BAALC: variants seen among roughly 807,000 people sequenced by gnomAD.
BAALC encodes the protein brain and acute leukemia cytoplasmic protein.
In BAALC, 9 loss-of-function variants were observed where a neutral mutation model predicts 15.5. The observed-to-expected ratio is 0.58, with a 90% CI of 0.35 to 1.02. The LOEUF (loss-of-function observed/expected upper bound fraction) is 1.02, where lower values mean the gene tolerates loss of function less well. Among genes scored for constraint, BAALC ranks in the 50% least tolerant of loss-of-function variants. The pLI is 0.02. For synonymous variants in BAALC, 80 were observed against 74.6 expected (o/e 1.07, Z -0.37); for missense variants, 201 against 192.4 (o/e 1.04, Z -0.27).
intron 1 of BAALC, among the ~76,000 whole-genome samples, chr8:103,149,974 T>C (rs1389080108): frequency 6.6e-6 from 1 of 152,172 alleles, no homozygotes; most frequent in Non-Finnish European, 1.5e-5. Flanking sequence ...TCTGTTTTCA[T>C]GCTGCCGACG....
intron 1 of BAALC, among the ~76,000 whole-genome samples, chr8:103,193,863 T>C (rs1812030244): frequency 6.6e-6 from 1 of 152,198 alleles, no homozygotes; most frequent in Admixed American, 6.5e-5. Flanking sequence ...CATTCTTCCC[T>C]GGTACACAGT....
At chr8:103,153,514 T>C (rs1205626039) in intron 1 of BAALC, among the ~76,000 whole-genome samples, 2 of 152,242 alleles carry the variant, frequency 1.3e-5, no homozygotes, top group Non-Finnish European at 2.9e-5. Flanking sequence ...TAAACTTTAA[T>C]CTTTTAGAAT....
At chr8:103,169,011 A>T (rs1811415436) in intron 1 of BAALC, among the ~76,000 whole-genome samples, 1 of 151,924 alleles carries the variant, frequency 6.6e-6, no homozygotes, top group Admixed American at 6.6e-5. Context: ...TTAGTATGAG[A>T]TTTGTCCGTT....
intron 1 of BAALC, among the ~76,000 whole-genome samples, chr8:103,210,115 A>G (rs1435152020): frequency 1.3e-5 from 2 of 152,178 alleles, no homozygotes; most frequent in East Asian, 3.8e-4. Context: ...TGTGGTGTTC[A>G]TACACATGCA....
At chr8:103,141,082 C>CCTCG (rs1419393814) in intron 1 of BAALC, 25 bp downstream of exon 1, 31 of 1,413,488 alleles carry the variant, frequency 2.2e-5, no homozygotes, top group African/African-American at 3.0e-5. Flanking sequence ...CCCTGCAGAC[C>CCTCG]CTCGCCCGCC....
At chr8:103,186,499 G>A (rs1811841901) in intron 1 of BAALC, among the ~76,000 whole-genome samples, 1 of 152,168 alleles carries the variant, frequency 6.6e-6, no homozygotes, top group African/African-American at 2.4e-5. Context: ...AATGGATCTG[G>A]TTACTTTTGA....
chr8:103,213,771 C>T (rs1392575322), intron 2 of BAALC, among the ~76,000 whole-genome samples: 1 of 152,102 alleles, frequency 6.6e-6, no homozygotes, highest in African/African-American at 2.4e-5. Flanking sequence ...ACTTCCTTAT[C>T]TTCCCTATGC....
intron 1 of BAALC, among the ~76,000 whole-genome samples, chr8:103,207,528 A>G (rs985598324): frequency 1.3e-5 from 2 of 152,222 alleles, no homozygotes; most frequent in Non-Finnish European, 2.9e-5. Flanking sequence ...CTCCAGGCTG[A>G]TAAGGGTCTG....
chr8:103,190,014 A>C (rs1299605637), intron 1 of BAALC, among the ~76,000 whole-genome samples: 1 of 152,022 alleles, frequency 6.6e-6, no homozygotes. Flanking sequence ...TAGAGAACAA[A>C]GGGTGATTTG....
At chr8:103,214,801 A>G (rs1191245246) in intron 2 of BAALC, 1 of 152,300 alleles carries the variant, frequency 6.6e-6, no homozygotes, top group East Asian at 1.9e-4. Flanking sequence ...ACCATAATCC[A>G]CTTAAATGAA....
intron 1 of BAALC, among the ~76,000 whole-genome samples, chr8:103,212,610 A>T (rs1812471428): frequency 6.6e-6 from 1 of 152,230 alleles, no homozygotes; most frequent in Admixed American, 6.5e-5. Context: ...CAAATATCCA[A>T]GCAAAGGGGA....
chr8:103,140,915 C>A lies in BAALC; in HGVS notation c.18C>A (p.Ser6Arg), dbSNP rs762540525. MGCGG[S>R]RADAIEPRYY... Reference sequence around the variant, plus strand: ...GCAGGAGGATGGGCTGCGGCGGGAGCCGGGCGGATGCCATCGAGCCCCGCT... The same window carrying A: ...GCAGGAGGATGGGCTGCGGCGGGAGACGGGCGGATGCCATCGAGCCCCGCT... The change falls in exon 1 of 3, where the codon AGC becomes AGA. Residue 6 changes from serine to arginine, a missense_variant. Coordinates refer to ENST00000309982, the MANE Select transcript of BAALC (RefSeq NM_024812.3). This position sits in a 1 kb window ranked among gnomAD's most constrained non-coding sequence, Gnocchi z 4.2. 3 of 1,518,170 alleles carry A rather than the reference C, an allele frequency of 2.0e-6. No individual in the cohort carries two copies. Among genetic ancestry groups the A allele is most frequent in the Non-Finnish European group, 2.6e-6 (3 of 1,133,692 alleles). 94.0% of individuals were successfully genotyped at this position (1,518,170 alleles called of 1,614,324 possible).
intron 1 of BAALC, chr8:103,198,154 C>A (rs749219048): frequency 2.9e-6 from 2 of 701,288 alleles, no homozygotes; most frequent in Non-Finnish European, 5.2e-6. Context: ...GGCATCCCAA[C>A]CATTGATTTA....
chr8:103,223,496 G>A (rs1461813335), intron 2 of BAALC, among the ~76,000 whole-genome samples: 1 of 152,194 alleles, frequency 6.6e-6, no homozygotes, highest in Non-Finnish European at 1.5e-5. Context: ...ATGTCTTGCT[G>A]CAGCTAACTG....
intron 2 of BAALC, among the ~76,000 whole-genome samples, chr8:103,216,963 C>CCA (rs1471584824): frequency 6.6e-6 from 1 of 152,164 alleles, no homozygotes; most frequent in East Asian, 1.9e-4. Context: ...CACACACACC[C>CCA]CACACACTTT....
chr8:103,193,615 G>C (rs1345654713), intron 1 of BAALC, among the ~76,000 whole-genome samples: 3 of 152,204 alleles, frequency 2.0e-5, no homozygotes, highest in African/African-American at 4.8e-5. Context: ...ACACAGATCT[G>C]GGTTTTGAGT....
intron 2 of BAALC, chr8:103,219,426 T>A (rs1418024732): frequency 3.3e-5 from 5 of 152,386 alleles, no homozygotes; most frequent in African/African-American, 1.2e-4. Context: ...TATCCTGTGA[T>A]GACTGTTCTG....
intron 1 of BAALC, among the ~76,000 whole-genome samples, chr8:103,147,247 AG>A (rs910907156): frequency 2.6e-5 from 4 of 152,234 alleles, no homozygotes; most frequent in African/African-American, 9.7e-5. Context: ...GATGAATTTA[AG>A]GTGACTCCAC....
Sources: gnomAD v4.1 joint callset for allele counts (sites outside exome capture counted in the v4.1 genomes callset) on GRCh38, gnomAD v4.1.1 for gene constraint, Gnocchi (gnomAD v3.1) non-coding constraint, MANE v1.5 for transcripts, NCBI Gene and HGNC (gene_info 2026-07-23, HGNC 2026-07-21) for gene names.